The following SGCZ variants were observed in gnomAD, a reference collection of about 807,000 sequenced individuals.
SGCZ encodes sarcoglycan zeta, also known as zeta-sarcoglycan.
Under a neutral mutation model 41.3 loss-of-function variants are expected in SGCZ, and 40 were observed. That is an observed-to-expected ratio of 0.97 (90% CI 0.75 to 1.26). SGCZ has a LOEUF of 1.26. Among genes scored for constraint, SGCZ ranks in the 50% most tolerant of loss-of-function variants. The pLI is 0.00. For synonymous variants in SGCZ, 206 were observed against 137.5 expected (o/e 1.50, Z -3.49); for missense variants, 552 against 369.8 (o/e 1.49, Z -4.04).
intron 2 of SGCZ, among the ~76,000 whole-genome samples, chr8:14,441,864 G>C (rs534080431): frequency 8.5e-5 from 13 of 152,146 alleles, no homozygotes; most frequent in Non-Finnish European, 1.6e-4. Context: ...ACCTGACACT[G>C]AGAATGTTTG....
At chr8:14,760,502 A>C (rs1799832021) in intron 1 of SGCZ, among the ~76,000 whole-genome samples, 1 of 152,228 alleles carries the variant, frequency 6.6e-6, no homozygotes, top group Non-Finnish European at 1.5e-5. Flanking sequence ...TGGAATTTAA[A>C]TATTACTTAA....
At chr8:14,231,015 C>T (rs568571045) in intron 4 of SGCZ, among the ~76,000 whole-genome samples, 114 of 151,984 alleles carry the variant, frequency 7.5e-4, no homozygotes, top group African/African-American at 2.7e-3. Context: ...TATCCAGACT[C>T]AAATTATGTT....
chr8:14,783,608 T>A (rs1001307228), intron 1 of SGCZ, among the ~76,000 whole-genome samples: 5 of 152,168 alleles, frequency 3.3e-5, no homozygotes, highest in Non-Finnish European at 7.4e-5. Flanking sequence ...TGACAACCAA[T>A]TCCTGCTGGT....
At chr8:14,345,392 T>C (rs1244488590) in intron 2 of SGCZ, among the ~76,000 whole-genome samples, 1 of 152,114 alleles carries the variant, frequency 6.6e-6, no homozygotes, top group Middle Eastern at 3.2e-3. Flanking sequence ...TATATGTATG[T>C]CCTCTGACCT....
At chr8:14,635,611 T>C (rs115155574) in intron 1 of SGCZ, among the ~76,000 whole-genome samples, 1 of 151,834 alleles carries the variant, frequency 6.6e-6, no homozygotes, top group Non-Finnish European at 1.5e-5. Context: ...AAATTTCACA[T>C]ATTCTCTCTT....
At chr8:14,635,172 G>C (rs1450118429) in intron 1 of SGCZ, among the ~76,000 whole-genome samples, 1 of 151,740 alleles carries the variant, frequency 6.6e-6, no homozygotes, top group Non-Finnish European at 1.5e-5. Flanking sequence ...TAAATTTTAT[G>C]AAAGAAAATA....
chr8:14,609,953 A>T (rs930697815), intron 1 of SGCZ, among the ~76,000 whole-genome samples: 9 of 152,220 alleles, frequency 5.9e-5, no homozygotes, highest in Admixed American at 2.0e-4. Flanking sequence ...CAAATTAAAC[A>T]AAAATAAATA....
At chr8:15,115,696 A>T (rs1219322951) in intron 1 of SGCZ, among the ~76,000 whole-genome samples, 1 of 152,186 alleles carries the variant, frequency 6.6e-6, no homozygotes, top group East Asian at 1.9e-4. Context: ...CTGGATTCAG[A>T]TGTTCCATTG....
intron 3 of SGCZ, among the ~76,000 whole-genome samples, chr8:14,292,701 T>C (rs1188514180): frequency 6.6e-6 from 1 of 152,036 alleles, no homozygotes; most frequent in African/African-American, 2.4e-5. Context: ...ACTTTCTTGA[T>C]ATGTGACATT....
At chr8:14,498,899 C>T (rs899371139) in intron 2 of SGCZ, among the ~76,000 whole-genome samples, 4 of 151,498 alleles carry the variant, frequency 2.6e-5, no homozygotes, top group Non-Finnish European at 5.9e-5. Context: ...ATTTCGATGT[C>T]TTAGTCATTT....
chr8:15,154,871 T>A (rs1050686651), intron 1 of SGCZ, among the ~76,000 whole-genome samples: 2 of 152,200 alleles, frequency 1.3e-5, no homozygotes, highest in East Asian at 3.9e-4. Context: ...GATACAAAAT[T>A]ACAGCTAGAT....
At chr8:14,258,329 G>T (rs550423051) in intron 3 of SGCZ, among the ~76,000 whole-genome samples, 1 of 152,092 alleles carries the variant, frequency 6.6e-6, no homozygotes, top group East Asian at 1.9e-4. Flanking sequence ...AGAGGGCAAT[G>T]TATTAGTCCT....
At chr8:14,416,051 T>TTA (rs773869371) in intron 2 of SGCZ, among the ~76,000 whole-genome samples, 30 of 152,036 alleles carry the variant, frequency 2.0e-4, no homozygotes, top group Non-Finnish European at 2.9e-5. Flanking sequence ...GCAACTTATG[T>TTA]TAATATTCAA....
intron 4 of SGCZ, among the ~76,000 whole-genome samples, chr8:14,205,430 G>C (rs542210221): frequency 5.3e-5 from 8 of 152,278 alleles, no homozygotes; most frequent in African/African-American, 1.9e-4. Context: ...TAATGCAGAG[G>C]TTATGTAAGA....
chr8:14,587,544 T>C (rs915176565), intron 1 of SGCZ, among the ~76,000 whole-genome samples: 16 of 152,152 alleles, frequency 1.1e-4, no homozygotes, highest in African/African-American at 3.4e-4. Flanking sequence ...AACTTGTTTA[T>C]ATATTGTTAG....
At chr8:14,647,245 G>T (rs1807251932) in intron 1 of SGCZ, among the ~76,000 whole-genome samples, 1 of 151,916 alleles carries the variant, frequency 6.6e-6, no homozygotes, top group African/African-American at 2.4e-5. Flanking sequence ...CACTCCTTCA[G>T]CATTTACCTT....
chr8:14,963,533 G>A (rs2061983), intron 1 of SGCZ, among the ~76,000 whole-genome samples: 69,031 of 151,584 alleles, frequency 0.46, 15,988 homozygotes, highest in Middle Eastern at 0.54. Context: ...TTTTTAGTAC[G>A]GACAGGGTTT....
intron 4 of SGCZ, among the ~76,000 whole-genome samples, chr8:14,231,466 A>G (rs946155653): frequency 5.9e-5 from 9 of 152,052 alleles, no homozygotes; most frequent in Non-Finnish European, 1.3e-4. Context: ...TCTCACCTCA[A>G]TTGACCAATG....
chr8:15,143,605 T>A (rs1798959517), intron 1 of SGCZ, among the ~76,000 whole-genome samples: 1 of 152,202 alleles, frequency 6.6e-6, no homozygotes, highest in African/African-American at 2.4e-5. Context: ...ACACATGGGT[T>A]TAACCCATCT....
Sources: gnomAD v4.1 joint callset for allele counts (sites outside exome capture counted in the v4.1 genomes callset) on GRCh38, gnomAD v4.1.1 for gene constraint, MANE v1.5 for transcripts, NCBI Gene and HGNC (gene_info 2026-07-23, HGNC 2026-07-21) for gene names.